MSH3: variants seen among roughly 807,000 people sequenced by gnomAD.
MSH3 encodes DNA mismatch repair protein Msh3.
A neutral mutation model predicts 123.3 loss-of-function variants in MSH3; 106 were observed. That is an observed-to-expected ratio of 0.86 (90% CI 0.73 to 1.01). The LOEUF (loss-of-function observed/expected upper bound fraction) is 1.01, where lower values mean the gene tolerates loss of function less well. Among genes scored for constraint, MSH3 ranks in the 50% least tolerant of loss-of-function variants. The pLI, the probability that MSH3 is intolerant of heterozygous loss-of-function variation, is 0.00. For synonymous variants in MSH3, 515 were observed against 481.4 expected, an observed-to-expected ratio of 1.07 and a Z score of -0.91; for missense variants, 1,459 against 1,347.6, an observed-to-expected ratio of 1.08 and a Z score of -1.29.
At chr5:80,869,845 C>CATATATATAT (rs1430299386) in intron 22 of MSH3, among the ~76,000 whole-genome samples, 7 of 124,028 alleles carry the variant, frequency 5.6e-5, no homozygotes, top group South Asian at 2.7e-4. Flanking sequence ...TATATATACA[C>CATATATATAT]ACACACACAC....
intron 3 of MSH3, among the ~76,000 whole-genome samples, chr5:80,668,775 T>A (rs1677646): frequency 2.6e-5 from 4 of 151,930 alleles, no homozygotes; most frequent in African/African-American, 9.7e-5. Flanking sequence ...CCCAGGAGGG[T>A]GGGGCTCCTG....
At chr5:80,769,146 C>G (rs914893831) in intron 15 of MSH3, 143 bp downstream of exon 15, 22 of 732,774 alleles carry the variant, frequency 3.0e-5, no homozygotes, top group Non-Finnish European at 4.6e-5. Context: ...GTTGTAATAA[C>G]TTGTTTTGAT....
chr5:80,683,354 C>T (rs1349923334), intron 8 of MSH3, among the ~76,000 whole-genome samples: 1 of 152,096 alleles, frequency 6.6e-6, no homozygotes, highest in Non-Finnish European at 1.5e-5. Flanking sequence ...CTTTTCTCCA[C>T]ATCCTCACCA....
Position 80,864,911 on chromosome 5 carries a change from G to T in MSH3, c.3099G>T (p.Leu1033Phe). 6.2e-7 allele frequency: 1 copy of T among 1,613,822 alleles called. No homozygotes were observed. Among genetic ancestry groups the T allele is most frequent in the Non-Finnish European group, 8.5e-7 (1 of 1,179,800 alleles). ...HQVGNYHMGF[L>F]VSEDESKLDP... ...TGGGGAATTACCACATGGGATTCTTGGTCAGTGAGGATGAAAGCAAACTGG... is the reference window on the plus strand; with the variant it reads ...TGGGGAATTACCACATGGGATTCTTTGTCAGTGAGGATGAAAGCAAACTGG... The change falls in exon 22 of 24, where the codon TTG becomes TTT. Residue 1033 changes from leucine to phenylalanine, a missense_variant. Physicochemically the swap from Leu to Phe is conservative, Grantham distance 22. Coordinates refer to ENST00000265081, the MANE Select transcript of MSH3 (RefSeq NM_002439.5).
intron 8 of MSH3, among the ~76,000 whole-genome samples, chr5:80,689,778 C>G (rs1750185950): frequency 6.6e-6 from 1 of 150,642 alleles, no homozygotes; most frequent in Admixed American, 6.6e-5. Context: ...AGGCTCACAG[C>G]AAAGTTGAGA....
intron 20 of MSH3, among the ~76,000 whole-genome samples, chr5:80,822,907 C>G (rs946423164): frequency 2.6e-5 from 4 of 152,212 alleles, no homozygotes; most frequent in Non-Finnish European, 5.9e-5. Context: ...AATTGCCAAT[C>G]ACTGTGTGAA....
At chr5:80,810,168 C>CATATATATATATATATATAT (rs1461060092) in intron 19 of MSH3, among the ~76,000 whole-genome samples, 4 of 32,030 alleles carry the variant, frequency 1.2e-4, no homozygotes, top group African/African-American at 4.5e-4. Context: ...TTTTGTTTGA[C>CATATATATATATATATATAT]ATACATATAT....
At chr5:80,873,563 C>T (rs1746258624) in intron 23 of MSH3, among the ~76,000 whole-genome samples, 1 of 152,160 alleles carries the variant, frequency 6.6e-6, no homozygotes, top group Non-Finnish European at 1.5e-5. Context: ...ACATTCATTA[C>T]TTTAAAGATT....
At chr5:80,674,639 A>G (rs1420020376) in intron 6 of MSH3, among the ~76,000 whole-genome samples, 2 of 152,362 alleles carry the variant, frequency 1.3e-5, no homozygotes, top group Non-Finnish European at 2.9e-5. Context: ...GCATGCAACT[A>G]TGATCCAAAT....
At chr5:80,724,744 A>G (rs1401092514) in intron 8 of MSH3, among the ~76,000 whole-genome samples, 2 of 152,320 alleles carry the variant, frequency 1.3e-5, no homozygotes, top group East Asian at 3.9e-4. Context: ...TCAGTGCTGT[A>G]TTCTGTTGCT....
At chr5:80,676,655 G>T (rs971838234) in intron 7 of MSH3, among the ~76,000 whole-genome samples, 1 of 152,128 alleles carries the variant, frequency 6.6e-6, no homozygotes, top group East Asian at 1.9e-4. Flanking sequence ...CCTTCTTTCA[G>T]AGAGTTAGCA....
rs1352642451 is a variant in MSH3, at chr5:80,793,387, A to G, written c.2655+543A>G. ...AACAGAGACTAGTAAGCAAGACAGA[A>G]CTCTTCCCTGCCCTCACAGAGCTTG... On this transcript the variant is annotated intron_variant, in intron 19 of 23. Coordinates refer to ENST00000265081, the MANE Select transcript of MSH3 (RefSeq NM_002439.5). 2.6e-5 allele frequency among the ~76,000 whole-genome samples: 4 copies of G among 152,180 alleles called. No individual in the cohort carries two copies. In the East Asian group the frequency reaches 7.7e-4, roughly 29 times the overall value.
chr5:80,691,528 A>G (rs939189921), intron 8 of MSH3, among the ~76,000 whole-genome samples: 4 of 149,574 alleles, frequency 2.7e-5, no homozygotes, highest in Non-Finnish European at 4.5e-5. Context: ...ATTCAATGCA[A>G]TTCTTTTTTT....
chr5:80,656,562 A>G (rs745581121), intron 2 of MSH3, 31 bp downstream of exon 2: 1 of 1,613,622 alleles, frequency 6.2e-7, no homozygotes, highest in Non-Finnish European at 8.5e-7. Flanking sequence ...TTTTCTCCTC[A>G]GTCATGGCTC....
At chr5:80,856,093 C>T (rs2112108930) in intron 21 of MSH3, among the ~76,000 whole-genome samples, 1 of 151,998 alleles carries the variant, frequency 6.6e-6, no homozygotes, top group Middle Eastern at 3.4e-3. Flanking sequence ...CCGTGTTGCT[C>T]AGGCTAGTCT....
chr5:80,680,668 A>G (rs1749953986), intron 8 of MSH3, among the ~76,000 whole-genome samples: 1 of 151,748 alleles, frequency 6.6e-6, no homozygotes, highest in Admixed American at 6.6e-5. Context: ...AGTGTCATGA[A>G]CTCCTGTCAC....
At chr5:80,843,748 A>G (rs1745668376) in intron 20 of MSH3, among the ~76,000 whole-genome samples, 2 of 151,962 alleles carry the variant, frequency 1.3e-5, no homozygotes, top group Non-Finnish European at 1.5e-5. Flanking sequence ...ATCGGTGGTA[A>G]TGTCCCCTTT....
rs576137712 is a variant in MSH3, at chr5:80,718,325, C to T, written c.1341-7128C>T. The stretch of plus-strand genomic sequence containing the variant: ...TAGAGACAAAGGTCTTGCTATGTTG[C>T]GCAGGTGAGTTGGGAACTCCTGGGC... On this transcript the variant is annotated intron_variant, in intron 8 of 23. Transcript: ENST00000265081. Among the ~76,000 whole-genome samples the T allele has an allele frequency of 2.3e-4, 35 of 152,264 alleles. 1 individual carries two copies. The highest frequency in any genetic ancestry group is 1.9e-4 in the East Asian group (1 of 5,192).
intron 8 of MSH3, among the ~76,000 whole-genome samples, chr5:80,681,054 A>G (rs1159303258): frequency 6.6e-6 from 1 of 152,086 alleles, no homozygotes. Flanking sequence ...TAGAAATGGT[A>G]ATATCAATTT....
Sources: gnomAD v4.1 joint callset for allele counts (sites outside exome capture counted in the v4.1 genomes callset) on GRCh38, gnomAD v4.1.1 for gene constraint, MANE v1.5 for transcripts, NCBI Gene and HGNC (gene_info 2026-07-23, HGNC 2026-07-21) for gene names.